HNF4A: variants seen among roughly 807,000 people sequenced by gnomAD.
HNF4A encodes the protein hepatocyte nuclear factor 4 alpha, also known as hepatocyte nuclear factor 4-alpha.
HNF4A carries 15 observed loss-of-function variants against 52.4 expected under a neutral mutation model. That is an observed-to-expected ratio of 0.29 (90% CI 0.19 to 0.44). The LOEUF (loss-of-function observed/expected upper bound fraction) is 0.44. Among genes scored for constraint, HNF4A ranks in the 20% least tolerant of loss-of-function variants. The probability of loss-of-function intolerance (pLI) is 1.00; values close to 1 mark genes in which losing one functional copy is unlikely to be tolerated. For missense variants in HNF4A, 479 were observed against 647.2 expected (o/e 0.74, Z 2.82); for synonymous variants, 280 against 264.4 (o/e 1.06, Z -0.57).
intron 1 of HNF4A, among the ~76,000 whole-genome samples, chr20:44,377,561 G>A (rs1193960943): frequency 2.0e-5 from 3 of 151,862 alleles, no homozygotes; most frequent in Middle Eastern, 3.4e-3. Flanking sequence ...TCAGGAGTTC[G>A]AGACAAGCCT....
intron 1 of HNF4A, among the ~76,000 whole-genome samples, chr20:44,367,105 G>A (rs2062977390): frequency 6.6e-6 from 1 of 152,178 alleles, no homozygotes; most frequent in African/African-American, 2.4e-5. Flanking sequence ...GGAGGCCAAG[G>A]TGAGTGGATC....
upstream of HNF4A, among the ~76,000 whole-genome samples, chr20:44,396,774 G>A (rs575119358): frequency 4.3e-4 from 66 of 152,228 alleles, 1 homozygote; most frequent in South Asian, 4.6e-3. Context: ...CTACAAAGAA[G>A]GTATCAACCC....
At chr20:44,384,404 A>C (rs1012611201) in intron 1 of HNF4A, 2 of 152,206 alleles carry the variant, frequency 1.3e-5, no homozygotes. Flanking sequence ...CATAATGGTC[A>C]TTAAAAAATT....
At chr20:44,411,272 C>T (rs2063577463) in intron 3 of HNF4A, among the ~76,000 whole-genome samples, 2 of 152,210 alleles carry the variant, frequency 1.3e-5, no homozygotes, top group Non-Finnish European at 1.5e-5. Context: ...AAGACAGGCT[C>T]ATCACCTCTC....
In HNF4A at chr20:44,429,564, G is replaced by A; in HGVS notation, c.1324G>A (p.Gly442Arg). ...ACAGCCCTCACCGCCAGGTGGCTCA[G>A]GGTCTGAGCCCTATAAGCTCCTGCC... Residue 442 changes from glycine (G) to arginine (R), a missense_variant, in exon 10 of 10, where the codon GGG (glycine) becomes AGG (arginine). By Grantham distance (125) the Gly-to-Arg change is moderately radical. Around this residue, in one of 3 missense-constraint regions of HNF4A, gnomAD observed 389 missense variants for 525.1 expected, o/e 0.74. Coordinates refer to ENST00000316099, the MANE Select transcript of HNF4A (RefSeq NM_000457.6). 1 of 1,614,090 alleles carries A rather than the reference G, an allele frequency of 6.2e-7. No homozygotes were observed. The highest frequency in any genetic ancestry group is 8.5e-7 in the Non-Finnish European group (1 of 1,179,996).
chr20:44,366,493 C>T lies in HNF4A; in HGVS notation c.49+10640C>T, dbSNP rs140525545. 4.3e-3 allele frequency among the ~76,000 whole-genome samples: 651 copies of T among 152,184 alleles called. 6 individuals are homozygous for T. The highest frequency in any genetic ancestry group is 0.015 in the African/African-American group (603 of 41,520). ...AAAATTAGCTGGGCATGGTGGCACG[C>T]ACCTGTAATCCCAGCTACTCAGGAG... On this transcript the variant is annotated intron_variant, in intron 1 of 9. Transcript: ENST00000316673.
chr20:44,424,147 T>C lies in HNF4A; in HGVS notation c.1022T>C (p.Leu341Pro), dbSNP rs2063786151. 6.2e-7 allele frequency: 1 copy of C among 1,613,694 alleles called. No individual in the cohort carries two copies. The highest frequency in any genetic ancestry group is 8.5e-7 in the Non-Finnish European group (1 of 1,179,978). Reference sequence around the variant, plus strand: ...CGCTTTGGAGAGCTGCTGCTGCTGCTGCCCACCTTGCAGAGCATCACCTGG... The same window carrying C: ...CGCTTTGGAGAGCTGCTGCTGCTGCCGCCCACCTTGCAGAGCATCACCTGG... Residue 341 changes from leucine (L) to proline (P), a missense_variant, in exon 8 of 10, where the codon CTG becomes CCG. Physicochemically the swap from Leu to Pro is moderately conservative, Grantham distance 98. Coordinates refer to ENST00000316099, the MANE Select transcript of HNF4A (RefSeq NM_000457.6).
chr20:44,387,655 C>CGGGGG lies in HNF4A; in HGVS notation c.50-18395_50-18391dup, dbSNP rs1212441244. Among the ~76,000 whole-genome samples the CGGGGG allele has an allele frequency of 2.2e-3, 19 of 8,616 alleles. 1 individual carries two copies. The highest frequency in any genetic ancestry group is 5.6e-3 in the Non-Finnish European group (13 of 2,316). The allele number at this position is 8,616 out of a possible 152,430, so 5.7% of individuals were successfully genotyped here. A position where few individuals can be genotyped will look rare whatever the true frequency, so the allele number is the denominator to read the frequency against. On this transcript the variant is annotated intron_variant, in intron 1 of 9. Transcript: ENST00000316673. ...AGTGAAGGGGTGGGGTGGAGGCAGG[C>CGGGGG]GGGGGGGGGGGGAGGCGGGGGGGGC...
chr20:44,402,673 C>G (rs1178812605), intron 1 of HNF4A: 1 of 1,287,362 alleles, frequency 7.8e-7, no homozygotes, highest in Non-Finnish European at 1.0e-6. Flanking sequence ...CCCGGAAACC[C>G]CTCCTGGAGG....
chr20:44,425,615 G>C (rs776690672), intron 8 of HNF4A, among the ~76,000 whole-genome samples: 1 of 151,500 alleles, frequency 6.6e-6, no homozygotes, highest in Admixed American at 6.6e-5. Context: ...GTAGTGAGGG[G>C]TGACCTCAGA....
intron 1 of HNF4A, among the ~76,000 whole-genome samples, chr20:44,358,118 A>T (rs776719144): frequency 2.7e-5 from 4 of 146,778 alleles, no homozygotes; most frequent in Non-Finnish European, 6.0e-5. Flanking sequence ...AGCATCCTAG[A>T]TCTACCTTAT....
At chr20:44,411,402 A>T (rs2063579476) in intron 3 of HNF4A, among the ~76,000 whole-genome samples, 1 of 152,214 alleles carries the variant, frequency 6.6e-6, no homozygotes. Flanking sequence ...GGGCACTGAT[A>T]ACGCCCGCCT....
In HNF4A at chr20:44,414,549, A is replaced by G; in HGVS notation, c.535A>G (p.Lys179Glu). 1 of 1,614,204 alleles carries G rather than the reference A, an allele frequency of 6.2e-7. No individual in the cohort carries two copies. Among genetic ancestry groups the G allele is most frequent in the Non-Finnish European group, 8.5e-7 (1 of 1,180,030 alleles). The change falls in exon 5 of 10, where the codon AAG becomes GAG. Residue 179 changes from lysine (K) to glutamate (E), a missense_variant. Physicochemically the swap from Lys to Glu is moderately conservative, Grantham distance 56. Transcript: ENST00000316099. ...CGGGATCAACGGCGACATTCGGGCG[A>G]AGAAGATTGCCAGCATCGCAGATGT...
chr20:44,427,076 A>C (rs993611903), intron 8 of HNF4A, among the ~76,000 whole-genome samples: 1 of 152,168 alleles, frequency 6.6e-6, no homozygotes, highest in Non-Finnish European at 1.5e-5. Context: ...TGTCCTGTAC[A>C]TTGTTCAGCT....
intron 2 of HNF4A, 108 bp from the exon 3 acceptor site, chr20:44,407,273 G>C (rs911757837): frequency 2.5e-6 from 2 of 805,318 alleles, no homozygotes; most frequent in East Asian, 2.7e-5. Context: ...GGGATGAAGA[G>C]ATGAGAGCAC....
chr20:44,364,831 A>C (rs2062955005), intron 1 of HNF4A, among the ~76,000 whole-genome samples: 1 of 152,202 alleles, frequency 6.6e-6, no homozygotes, highest in Non-Finnish European at 1.5e-5. Flanking sequence ...AAGCAAATGC[A>C]GACTTTAAGT....
chr20:44,388,280 T>C (rs2063256822), intron 1 of HNF4A, among the ~76,000 whole-genome samples: 1 of 149,994 alleles, frequency 6.7e-6, no homozygotes, highest in African/African-American at 2.5e-5. Flanking sequence ...GGGTATGACA[T>C]TTACTGATAG....
Position 44,390,673 on chromosome 20 carries a change from C to A in HNF4A, c.50-15385C>A, listed in dbSNP as rs943916357. The A allele has an allele frequency of 4.3e-6, 3 of 702,422 alleles. No individual in the cohort carries two copies. The Admixed American group carries it at 6.0e-5, about 14-fold the overall frequency. 43.5% of individuals were successfully genotyped at this position (702,422 alleles called of 1,614,324 possible). A position where few individuals can be genotyped will look rare whatever the true frequency, so the allele number is the denominator to read the frequency against. On this transcript the variant is annotated intron_variant, in intron 1 of 9. Coordinates refer to the HNF4A transcript ENST00000316673. ...CTGGGGCCAGGGCTTCCCCCAGGAC[C>A]CACCAGGTATGGTCCTGACTCCACA...
intron 1 of HNF4A, among the ~76,000 whole-genome samples, chr20:44,392,624 G>A (rs977063904): frequency 2.0e-5 from 3 of 152,194 alleles, no homozygotes; most frequent in Non-Finnish European, 4.4e-5. Flanking sequence ...GATTATAGGT[G>A]TAAGCCACCA....
Sources: gnomAD v4.1 joint callset for allele counts (sites outside exome capture counted in the v4.1 genomes callset) on GRCh38, gnomAD v4.1.1 for gene constraint, gnomAD v4.1.1 regional missense constraint, MANE v1.5 for transcripts, NCBI Gene and HGNC (gene_info 2026-07-23, HGNC 2026-07-21) for gene names.